NBEA: variants seen among roughly 807,000 people sequenced by gnomAD.
NBEA encodes the protein lysosomal-trafficking regulator 2.
NBEA carries 44 observed loss-of-function variants against 343.4 expected under a neutral mutation model. The observed-to-expected ratio is 0.13, with a 90% CI of 0.10 to 0.16. NBEA has a LOEUF of 0.16. Among genes scored for constraint, NBEA ranks in the 10% least tolerant of loss-of-function variants. The probability of loss-of-function intolerance (pLI) is 1.00; values close to 1 mark genes in which losing one functional copy is unlikely to be tolerated. For synonymous variants in NBEA, 1,175 were observed against 1,238.7 expected, an observed-to-expected ratio of 0.95 and a Z score of 1.08; for missense variants, 2,555 against 3,631.3, an observed-to-expected ratio of 0.70 and a Z score of 7.62.
In NBEA at chr13:35,583,804, T is replaced by A; in HGVS notation, c.7036-94T>A. The stretch of plus-strand genomic sequence containing the variant: ...ATGTATTTATGCTGTATGGCTAAAA[T>A]GAATTAACAGTGAAATACTGAAAGT... On this transcript the variant is annotated intron_variant, in intron 45 of 58. Coordinates refer to ENST00000379939, the MANE Select transcript of NBEA (RefSeq NM_001385012.1). 3 of 908,980 alleles carry A rather than the reference T, an allele frequency of 3.3e-6. No homozygotes were observed. The South Asian group carries it at 5.3e-5, about 16-fold the overall frequency. 56.3% of individuals were successfully genotyped at this position (908,980 alleles called of 1,614,324 possible). A position where few individuals can be genotyped will look rare whatever the true frequency, so the allele number is the denominator to read the frequency against.
intron 23 of NBEA, among the ~76,000 whole-genome samples, chr13:35,163,255 A>G (rs1189600275): frequency 6.6e-6 from 1 of 152,176 alleles, no homozygotes; most frequent in Non-Finnish European, 1.5e-5. Context: ...AATTTAAGAT[A>G]CACAGTGATA....
Position 35,127,936 on chromosome 13 carries a change from A to T in NBEA, c.2336+4362A>T, listed in dbSNP as rs148652007. Among the ~76,000 whole-genome samples the T allele has an allele frequency of 6.7e-3, 1,023 of 152,212 alleles. 11 individuals carry two copies. Among genetic ancestry groups the T allele is most frequent in the African/African-American group, 0.024 (985 of 41,540 alleles). ...AAAAATGTAAAAGCTTTTATAAATC[A>T]GCTGTTGTAAGAAAAATATCACAAT... On this transcript the variant is annotated intron_variant, in intron 17 of 58. Coordinates refer to ENST00000379939, the MANE Select transcript of NBEA (RefSeq NM_001385012.1).
At chr13:35,357,416 G>A (rs1477855854) in intron 38 of NBEA, among the ~76,000 whole-genome samples, 1 of 151,816 alleles carries the variant, frequency 6.6e-6, no homozygotes, top group Non-Finnish European at 1.5e-5. Context: ...CCTAGTATCT[G>A]TTAGTTATTT....
intron 55 of NBEA, among the ~76,000 whole-genome samples, chr13:35,656,962 G>A (rs950990500): frequency 6.6e-6 from 1 of 152,138 alleles, no homozygotes; most frequent in African/African-American, 2.4e-5. Flanking sequence ...TGCCTCTCTG[G>A]TTAGTTCCAA....
chr13:35,670,701 G>A (rs867765098), intron 58 of NBEA, among the ~76,000 whole-genome samples, 200 bp from the exon 59 acceptor site: 10 of 152,280 alleles, frequency 6.6e-5, no homozygotes, highest in African/African-American at 7.2e-5. Flanking sequence ...AGGTGTGTGC[G>A]GGCTAACTGT....
intron 34 of NBEA, among the ~76,000 whole-genome samples, chr13:35,264,956 T>G (rs2033546970): frequency 6.6e-6 from 1 of 151,958 alleles, no homozygotes; most frequent in Non-Finnish European, 1.5e-5. Context: ...ATTGTCTCTT[T>G]GCAGATGACA....
chr13:35,396,941 C>T (rs536661876), intron 38 of NBEA, among the ~76,000 whole-genome samples: 1 of 151,842 alleles, frequency 6.6e-6, no homozygotes, highest in African/African-American at 2.4e-5. Flanking sequence ...CCATTTCTGA[C>T]CTCATCTCTT....
chr13:35,475,410 C>T, intron 41 of NBEA: 3 of 1,613,728 alleles, frequency 1.9e-6, no homozygotes, highest in East Asian at 2.2e-5. Context: ...TGCAGCCCCC[C>T]ATCTGCAGTC....
chr13:35,551,913 C>A (rs111854577), intron 43 of NBEA, among the ~76,000 whole-genome samples: 1 of 152,156 alleles, frequency 6.6e-6, no homozygotes, highest in African/African-American at 2.4e-5. Context: ...GTCCCTTTGG[C>A]CAGAATACAG....
chr13:35,351,427 A>G (rs1405275109), intron 37 of NBEA, among the ~76,000 whole-genome samples: 2 of 152,022 alleles, frequency 1.3e-5, no homozygotes, highest in Non-Finnish European at 2.9e-5. Context: ...TTTTTAATAC[A>G]AAAAATGATC....
At chr13:35,533,439 CACAT>C (rs2078366628) in intron 41 of NBEA, among the ~76,000 whole-genome samples, 1 of 152,036 alleles carries the variant, frequency 6.6e-6, no homozygotes. Flanking sequence ...AAATTATATG[CACAT>C]ATAGGTATGT....
At chr13:35,068,717 T>C (rs2063750096) in intron 8 of NBEA, among the ~76,000 whole-genome samples, 1 of 152,206 alleles carries the variant, frequency 6.6e-6, no homozygotes, top group Admixed American at 6.6e-5. Context: ...AGTCCAGAAG[T>C]AAAAACTGAC....
At chr13:34,957,762 T>C (rs1174622750) in intron 1 of NBEA, among the ~76,000 whole-genome samples, 4 of 152,182 alleles carry the variant, frequency 2.6e-5, no homozygotes, top group Non-Finnish European at 5.9e-5. Flanking sequence ...GTTTTTGTAT[T>C]TTTAAGAAAC....
intron 52 of NBEA, 125 bp from the exon 53 acceptor site, chr13:35,651,680 C>T (rs970361236): frequency 1.5e-6 from 1 of 681,834 alleles, no homozygotes; most frequent in Non-Finnish European, 2.6e-6. Context: ...AGTATCAGAA[C>T]AATTTATCAA....
At chr13:35,012,011 T>C (rs946313484) in intron 1 of NBEA, among the ~76,000 whole-genome samples, 2 of 152,224 alleles carry the variant, frequency 1.3e-5, no homozygotes, top group Admixed American at 1.3e-4. Context: ...TAGATACTAT[T>C]CCCAGTAAGT....
chr13:35,198,191 G>A (rs2072762022), intron 31 of NBEA, among the ~76,000 whole-genome samples: 1 of 151,836 alleles, frequency 6.6e-6, no homozygotes, highest in South Asian at 2.1e-4. Context: ...CACATATTTG[G>A]TTTATGTTTT....
chr13:35,369,176 AAG>A (rs1414882088), intron 38 of NBEA, among the ~76,000 whole-genome samples: 44 of 69,448 alleles, frequency 6.3e-4, no homozygotes, highest in African/African-American at 2.1e-3. Context: ...TTTTTTTTTG[AAG>A]AGAGTGTGTG....
chr13:35,430,631 A>G (rs2045039967), intron 38 of NBEA, among the ~76,000 whole-genome samples: 1 of 152,146 alleles, frequency 6.6e-6, no homozygotes, highest in Non-Finnish European at 1.5e-5. Flanking sequence ...AGAACTGTTC[A>G]GCTGCCCTTA....
chr13:35,621,745 CAT>C (rs1469104098), intron 48 of NBEA, among the ~76,000 whole-genome samples: 1 of 152,158 alleles, frequency 6.6e-6, no homozygotes, highest in Non-Finnish European at 1.5e-5. Flanking sequence ...GTGATCATCA[CAT>C]CTTTTCCACT....
Sources: allele counts gnomAD v4.1 joint callset (sites outside exome capture counted in the v4.1 genomes callset), GRCh38; gene constraint gnomAD v4.1.1; transcripts MANE v1.5; gene names NCBI Gene and HGNC (gene_info 2026-07-23, HGNC 2026-07-21).